ITGAM: variants seen among roughly 807,000 people sequenced by gnomAD.
ITGAM encodes the protein integrin subunit alpha M, also known as integrin alpha-M.
Under a neutral mutation model 137.5 loss-of-function variants are expected in ITGAM, and 79 were observed. The ratio of observed to expected loss-of-function variants is 0.57; its 90% CI spans 0.48 to 0.69. The LOEUF (loss-of-function observed/expected upper bound fraction) is 0.69. Among genes scored for constraint, ITGAM ranks in the 30% least tolerant of loss-of-function variants. The pLI is 0.00. For missense variants in ITGAM, 1,343 were observed against 1,483.5 expected (o/e 0.91, Z 1.56); for synonymous variants, 583 against 592.3 (o/e 0.98, Z 0.23).
chr16:31,284,409 CT>C (rs2080005165), intron 12 of ITGAM, among the ~76,000 whole-genome samples: 1 of 152,188 alleles, frequency 6.6e-6, no homozygotes. Context: ...TGTTTACCTA[CT>C]CAAGCCTCAG....
rs1284550216 is a variant in ITGAM, at chr16:31,302,403, TTCTTTTTTC to T, written c.1707+4451_1707+4459del. Among the ~76,000 whole-genome samples, 418 of 123,158 alleles carry T rather than the reference TTCTTTTTTC, an allele frequency of 3.4e-3. 3 individuals carry two copies. The highest frequency in any genetic ancestry group is 0.013 in the African/African-American group (391 of 29,314). The allele number at this position is 123,158 out of a possible 152,430, so 80.8% of individuals were successfully genotyped here. A position where few individuals can be genotyped will look rare whatever the true frequency, so the allele number is the denominator to read the frequency against. The stretch of plus-strand genomic sequence containing the variant: ...CTTTTCTTTTCTTTTTTCTTTTCTT[TTCTTTTTTC>T]TTTCTTTCTTTCTTTCTTCTTTCTT... On this transcript the variant is annotated intron_variant, in intron 14 of 29. Coordinates refer to ENST00000544665, the MANE Select transcript of ITGAM (RefSeq NM_000632.4).
intron 14 of ITGAM, among the ~76,000 whole-genome samples, chr16:31,311,537 C>G (rs1051586321): frequency 3.3e-5 from 5 of 152,280 alleles, no homozygotes; most frequent in South Asian, 2.1e-4. Flanking sequence ...TGAAAAAATG[C>G]TCATCATTAC....
chr16:31,275,272 C>T (rs970895999), intron 8 of ITGAM, among the ~76,000 whole-genome samples: 2 of 151,534 alleles, frequency 1.3e-5, no homozygotes, highest in African/African-American at 4.8e-5. Context: ...AAGAAAAAGG[C>T]TCCCCTTCCT....
At chr16:31,298,819 T>C (rs2080165648) in intron 14 of ITGAM, among the ~76,000 whole-genome samples, 1 of 148,970 alleles carries the variant, frequency 6.7e-6, no homozygotes, top group Non-Finnish European at 1.5e-5. Flanking sequence ...GTCCTACGTT[T>C]TTTTGCATTG....
Position 31,266,061 on chromosome 16 carries a change from G to C in ITGAM, c.341G>C (p.Ser114Thr). Residue 114 changes from serine (S) to threonine (T), a missense_variant, in exon 5 of 30, where the codon AGT becomes ACT. By Grantham distance (58) the Ser-to-Thr change is moderately conservative. Transcript: ENST00000544665. ...GGTCCCACCGTGCACCAGACTTGCA[G>C]TGAGAACACGTATGTGAAAGGGCTC... ...ACGPTVHQTC[S>T]ENTYVKGLCF... 1 of 1,613,968 alleles carries C rather than the reference G, an allele frequency of 6.2e-7. No individual in the cohort carries two copies. The highest frequency in any genetic ancestry group is 1.1e-5 in the South Asian group (1 of 91,088).
intron 1 of ITGAM, 91 bp from the exon 2 acceptor site, chr16:31,261,601 T>C: frequency 1.3e-6 from 1 of 745,602 alleles, no homozygotes; most frequent in Admixed American, 2.1e-5. Flanking sequence ...CAAGTGATCC[T>C]CCTGCCTCAG....
rs2079775477 is a variant in ITGAM at position 31,266,890 on chromosome 16, CAG to C, written c.427+746_427+747del. ...TTTTTTTTTTTTTTTTTTTTTGAGGCAGAGTCTCGCTCTGTCACCCAGGCTGG... is the reference window on the plus strand; with the variant it reads ...TTTTTTTTTTTTTTTTTTTTTGAGGCAGTCTCGCTCTGTCACCCAGGCTGG... On this transcript the variant is annotated intron_variant, in intron 5 of 29. Transcript: ENST00000544665. Among the ~76,000 whole-genome samples, 4 of 146,426 alleles carry C rather than the reference CAG, an allele frequency of 2.7e-5. No individual in the cohort carries two copies. In the East Asian group the frequency reaches 8.0e-4, roughly 29 times the overall value.
At chr16:31,291,630 T>C (rs1240057431) in intron 12 of ITGAM, among the ~76,000 whole-genome samples, 1 of 152,076 alleles carries the variant, frequency 6.6e-6, no homozygotes, top group African/African-American at 2.4e-5. Flanking sequence ...AATCTTGTGA[T>C]TTGCAATAAC....
At chr16:31,298,560 G>C (rs990115599) in intron 14 of ITGAM, among the ~76,000 whole-genome samples, 2 of 152,222 alleles carry the variant, frequency 1.3e-5, no homozygotes, top group African/African-American at 4.8e-5. Context: ...TGGGATGCAG[G>C]CATTCCTTTC....
intron 12 of ITGAM, among the ~76,000 whole-genome samples, chr16:31,295,286 T>C (rs1255632496): frequency 6.6e-6 from 1 of 152,278 alleles, no homozygotes; most frequent in East Asian, 1.9e-4. Flanking sequence ...TTGATAAGGA[T>C]TGTACTGAAT....
chr16:31,317,413 G>A (rs1429695117), intron 14 of ITGAM, among the ~76,000 whole-genome samples: 4 of 152,106 alleles, frequency 2.6e-5, no homozygotes, highest in Non-Finnish European at 4.4e-5. Context: ...AGGTGTTTAG[G>A]TCATGAGAGT....
chr16:31,276,814 GGTTTGGGGA>G, intron 10 of ITGAM, 70 bp downstream of exon 10: 2 of 1,569,264 alleles, frequency 1.3e-6, no homozygotes, highest in Non-Finnish European at 1.7e-6. Flanking sequence ...GAGATGTGGG[GGTTTGGGGA>G]CTCTTCTCTG....
intron 8 of ITGAM, among the ~76,000 whole-genome samples, chr16:31,274,610 A>ATTTATTTATTTATTTATTTATT (rs58443776): frequency 2.5e-4 from 38 of 149,020 alleles, no homozygotes; most frequent in African/African-American, 9.7e-4. Context: ...TTATTTATTT[A>ATTTATTTATTTATTTATTTATT]TATTTATTTA....
At chr16:31,312,448 A>T (rs2080344116) in intron 14 of ITGAM, among the ~76,000 whole-genome samples, 1 of 152,112 alleles carries the variant, frequency 6.6e-6, no homozygotes, top group African/African-American at 2.4e-5. Flanking sequence ...TATTTTTGAG[A>T]CAGGGTCTTG....
At chr16:31,292,548 G>A (rs1035811576) in intron 12 of ITGAM, among the ~76,000 whole-genome samples, 2 of 152,132 alleles carry the variant, frequency 1.3e-5, no homozygotes, top group Non-Finnish European at 2.9e-5. Flanking sequence ...AGTTTGCTAA[G>A]GATAACGGCC....
At chr16:31,281,574 C>G (rs1266578362) in intron 12 of ITGAM, among the ~76,000 whole-genome samples, 4 of 152,052 alleles carry the variant, frequency 2.6e-5, no homozygotes, top group African/African-American at 9.7e-5. Context: ...TATCCCCTTT[C>G]TCATTTTGTA....
chr16:31,330,134 T>C lies in ITGAM; in HGVS notation c.3030T>C (p.Phe1010=), dbSNP rs1216771718. The C allele has an allele frequency of 6.2e-7, 1 of 1,613,806 alleles. No homozygotes were observed. The highest frequency in any genetic ancestry group is 2.2e-5 in the East Asian group (1 of 44,872). The change falls in exon 26 of 30, where the codon TTT becomes TTC. Residue 1010 remains phenylalanine, a synonymous_variant. Transcript: ENST00000544665. Reference sequence around the variant, plus strand: ...AGCGCTTGCCCTCTCACTCCGACTTTCTGGCTGAGCTTCGGAAGGCCCCCG... The same window carrying C: ...AGCGCTTGCCCTCTCACTCCGACTTCCTGGCTGAGCTTCGGAAGGCCCCCG... The part of the protein sequence containing the change: ...TKERLPSHSD[F]LAELRKAPVV...
chr16:31,317,766 C>T (rs775118283), intron 14 of ITGAM, among the ~76,000 whole-genome samples: 7 of 152,026 alleles, frequency 4.6e-5, no homozygotes, highest in Non-Finnish European at 1.0e-4. Context: ...GGAATAAAGC[C>T]CACATGGTCA....
chr16:31,269,321 C>T (rs906703064), intron 5 of ITGAM, among the ~76,000 whole-genome samples: 2 of 152,158 alleles, frequency 1.3e-5, no homozygotes, highest in African/African-American at 4.8e-5. Flanking sequence ...CTGCATGACT[C>T]CTAAATCATA....
Sources: gnomAD v4.1 joint callset for allele counts (sites outside exome capture counted in the v4.1 genomes callset) on GRCh38, gnomAD v4.1.1 for gene constraint, MANE v1.5 for transcripts, NCBI Gene and HGNC (gene_info 2026-07-23, HGNC 2026-07-21) for gene names.